ENPP2: variants seen among roughly 807,000 people sequenced by gnomAD.
ENPP2 encodes the protein ectonucleotide pyrophosphatase/phosphodiesterase 2.
Under a neutral mutation model 120.2 loss-of-function variants are expected in ENPP2, and 51 were observed. The observed-to-expected ratio is 0.42, with a 90% CI of 0.34 to 0.54. The LOEUF (loss-of-function observed/expected upper bound fraction) is 0.54, where lower values mean the gene tolerates loss of function less well. Among genes scored for constraint, ENPP2 ranks in the 20% least tolerant of loss-of-function variants. The pLI, the probability that ENPP2 is intolerant of heterozygous loss-of-function variation, is 0.04. For missense variants in ENPP2, 920 were observed against 1,066.5 expected (o/e 0.86, Z 1.91); for synonymous variants, 365 against 366.4 (o/e 1.00, Z 0.04).
At chr8:119,630,325 C>CT (rs1563754212) in intron 2 of ENPP2, among the ~76,000 whole-genome samples, 1 of 152,170 alleles carries the variant, frequency 6.6e-6, no homozygotes, top group Non-Finnish European at 1.5e-5. Flanking sequence ...TCAGGCTGGT[C>CT]TTTAACTCCT....
intron 5 of ENPP2, among the ~76,000 whole-genome samples, chr8:119,618,897 G>A (rs557380614): frequency 4.6e-5 from 7 of 151,704 alleles, no homozygotes; most frequent in Admixed American, 2.6e-4. Flanking sequence ...CCCACTCCCC[G>A]CAAAGTAGGC....
intron 12 of ENPP2, among the ~76,000 whole-genome samples, chr8:119,591,194 C>T (rs1258443898): frequency 1.3e-5 from 2 of 152,110 alleles, no homozygotes; most frequent in Admixed American, 6.5e-5. Flanking sequence ...CAAAACAATA[C>T]TGGCAACAAG....
At chr8:119,564,590 A>C (rs1181157767) in intron 23 of ENPP2, among the ~76,000 whole-genome samples, 1 of 152,070 alleles carries the variant, frequency 6.6e-6, no homozygotes, top group Non-Finnish European at 1.5e-5. Flanking sequence ...AAGCAGGAGA[A>C]TCACTTGAAC....
chr8:119,629,738 A>T (rs1042712630), intron 2 of ENPP2, among the ~76,000 whole-genome samples: 1 of 152,208 alleles, frequency 6.6e-6, no homozygotes, highest in African/African-American at 2.4e-5. Flanking sequence ...ACCTATCAAC[A>T]GTGCATGCTG....
chr8:119,581,243 G>T (rs1255039602), intron 18 of ENPP2: 1 of 145,326 alleles, frequency 6.9e-6, no homozygotes, highest in Non-Finnish European at 1.5e-5. Flanking sequence ...TCCAGCCTGG[G>T]CAACAGAGCG....
intron 13 of ENPP2, 35 bp from the exon 14 acceptor site, chr8:119,587,110 TAAC>T (rs890694815): frequency 6.4e-7 from 1 of 1,555,094 alleles, no homozygotes; most frequent in African/African-American, 1.3e-5. Context: ...TCAAAAGAAA[TAAC>T]AACCATTACC....
intron 12 of ENPP2, among the ~76,000 whole-genome samples, chr8:119,593,534 T>C (rs577160899): frequency 5.4e-4 from 82 of 152,228 alleles, no homozygotes; most frequent in African/African-American, 1.9e-3. Context: ...ATAACAGAAA[T>C]ATATAAGAAG....
intron 22 of ENPP2, 33 bp from the exon 23 acceptor site, chr8:119,564,988 T>G: frequency 6.2e-7 from 1 of 1,601,526 alleles, no homozygotes; most frequent in Non-Finnish European, 8.5e-7. Flanking sequence ...AAATCAATTA[T>G]TCATGAAGAA....
intron 4 of ENPP2, among the ~76,000 whole-genome samples, chr8:119,621,038 C>T (rs1289010155): frequency 1.3e-5 from 2 of 152,230 alleles, no homozygotes; most frequent in African/African-American, 4.8e-5. Context: ...TCCCTTTCCT[C>T]CGACATGGTT....
At chr8:119,652,634 C>G (rs1017716739) in intron 1 of ENPP2, among the ~76,000 whole-genome samples, 1 of 152,156 alleles carries the variant, frequency 6.6e-6, no homozygotes, top group African/African-American at 2.4e-5. Flanking sequence ...AATATTATTT[C>G]AGTATCTATT....
At chr8:119,603,580 A>G (rs2130586913) in intron 9 of ENPP2, among the ~76,000 whole-genome samples, 1 of 152,340 alleles carries the variant, frequency 6.6e-6, no homozygotes, top group Admixed American at 6.5e-5. Context: ...ACAATATAAT[A>G]GTACCTATCT....
intron 12 of ENPP2, among the ~76,000 whole-genome samples, chr8:119,593,277 C>T (rs913133534): frequency 6.6e-6 from 1 of 152,096 alleles, no homozygotes; most frequent in Non-Finnish European, 1.5e-5. Context: ...TCAGTGGATT[C>T]GGGGAAATGA....
intron 19 of ENPP2, chr8:119,572,182 T>C (rs998033471): frequency 1.1e-5 from 17 of 1,552,134 alleles, no homozygotes; most frequent in Admixed American, 2.0e-5. Context: ...AAACCTTTTC[T>C]AGGTTCAAAA....
chr8:119,600,868 C>G (rs1454670059), intron 10 of ENPP2, 118 bp from the exon 11 acceptor site: 5 of 685,536 alleles, frequency 7.3e-6, no homozygotes, highest in Admixed American at 2.8e-5. Flanking sequence ...TATCCTTTAA[C>G]TACTATTCAT....
intron 19 of ENPP2, among the ~76,000 whole-genome samples, chr8:119,574,288 T>C (rs1052042094): frequency 6.6e-6 from 1 of 151,914 alleles, no homozygotes; most frequent in Non-Finnish European, 1.5e-5. Context: ...TTGAATCTTG[T>C]TCTCGGCACA....
At chr8:119,663,828 C>T (rs2130902576) in intron 1 of ENPP2, among the ~76,000 whole-genome samples, 1 of 152,246 alleles carries the variant, frequency 6.6e-6, no homozygotes, top group Non-Finnish European at 1.5e-5. Flanking sequence ...CAAGCAGCTT[C>T]CAGGAAAATG....
At chr8:119,570,667 A>G in intron 20 of ENPP2, 38 bp downstream of exon 20, 2 of 1,218,978 alleles carry the variant, frequency 1.6e-6, no homozygotes, top group Non-Finnish European at 2.3e-6. Flanking sequence ...GAGGAATGTA[A>G]TAAAATAAAA....
Position 119,568,176 on chromosome 8 carries a change from T to C in ENPP2, c.2130A>G (p.Lys710=). The stretch of plus-strand genomic sequence containing the variant: ...GTATTAGGTAAATATTGGACTTACG[T>C]TTGAAAGCAGGATACATTGGAACCA... ...TNMVPMYPAF[K]RVWNYFQRVL... is the part of the protein sequence containing the mutation. Residue 710 remains lysine, a splice_region_variant and synonymous_variant, in exon 22 of 25, where the codon AAA becomes AAG. Transcript: ENST00000075322. The C allele has an allele frequency of 1.3e-6, 2 of 1,536,176 alleles. No individual in the cohort carries two copies. The highest frequency in any genetic ancestry group is 2.2e-5 in the East Asian group (1 of 44,468).
chr8:119,593,943 AT>A, intron 11 of ENPP2, 83 bp from the exon 12 acceptor site: 2 of 829,288 alleles, frequency 2.4e-6, no homozygotes, highest in Admixed American at 4.0e-5. Context: ...CCCCTAGAAC[AT>A]TTTGGAAAGA....
Sources: gnomAD v4.1 joint callset for allele counts (sites outside exome capture counted in the v4.1 genomes callset) on GRCh38, gnomAD v4.1.1 for gene constraint, MANE v1.5 for transcripts, NCBI Gene and HGNC (gene_info 2026-07-23, HGNC 2026-07-21) for gene names.